The following LIMCH1 variants were observed in gnomAD, a reference collection of about 807,000 sequenced individuals.
The protein encoded by LIMCH1 is LIM and calponin homology domains-containing protein 1.
A neutral mutation model predicts 176.5 loss-of-function variants in LIMCH1; 113 were observed. The observed-to-expected ratio is 0.64, with a 90% CI of 0.55 to 0.75. The LOEUF is 0.75. LIMCH1 is among the 30% of genes least tolerant of loss of function. The pLI, the probability that LIMCH1 is intolerant of heterozygous loss-of-function variation, is 0.00. For synonymous variants in LIMCH1, 619 were observed against 645.9 expected, an observed-to-expected ratio of 0.96 and a Z score of 0.63; for missense variants, 1,674 against 1,814.9, an observed-to-expected ratio of 0.92 and a Z score of 1.41.
In LIMCH1 at chr4:41,633,650, A is replaced by T. The variant is rs200898894; in HGVS notation, c.1932A>T (p.Arg644=). ...GTGGCAGTGGACTGAAAGGCCAGCG[A>T]AAGTTGGATGATTCACGAAAAGATG... The part of the protein sequence containing the change: ...AWSGSGLKGQ[R]KLDDSRKDDM... Residue 644 remains arginine (R), a synonymous_variant, in exon 13 of 32, where the codon CGA becomes CGT. Transcript: ENST00000503057. 13 of 1,536,054 alleles carry T rather than the reference A, an allele frequency of 8.5e-6. No individual in the cohort carries two copies. The South Asian group carries it at 1.1e-4, about 13-fold the overall frequency.
At chr4:41,433,337 T>A (rs936493267) in intron 1 of LIMCH1, among the ~76,000 whole-genome samples, 1 of 152,234 alleles carries the variant, frequency 6.6e-6, no homozygotes, top group Non-Finnish European at 1.5e-5. Context: ...GTTTGTTTTT[T>A]ATTTTTCTGA....
chr4:41,419,528 A>G (rs542890103), intron 1 of LIMCH1, among the ~76,000 whole-genome samples: 19 of 151,934 alleles, frequency 1.3e-4, no homozygotes, highest in Admixed American at 1.0e-3. Flanking sequence ...TGTGAAGCTT[A>G]TGGAAGAGCC....
At chr4:41,618,032 A>G (rs2092274324) in intron 5 of LIMCH1, among the ~76,000 whole-genome samples, 2 of 152,226 alleles carry the variant, frequency 1.3e-5, no homozygotes, top group Admixed American at 6.5e-5. Context: ...CTCATGGCTA[A>G]TGAGCAGCAG....
At chr4:41,601,010 TTTC>T (rs1472518835) in intron 2 of LIMCH1, among the ~76,000 whole-genome samples, 2 of 152,308 alleles carry the variant, frequency 1.3e-5, no homozygotes, top group South Asian at 4.1e-4. Context: ...TCCTTTTGTA[TTTC>T]TTCTCCTCAT....
rs1561943442 is a variant in LIMCH1 at position 41,619,284 on chromosome 4, C to G, written c.302C>G (p.Pro101Arg). The G allele has an allele frequency of 1.2e-6, 2 of 1,614,028 alleles. No individual in the cohort carries two copies. Among genetic ancestry groups the G allele is most frequent in the Non-Finnish European group, 8.5e-7 (1 of 1,180,032 alleles). ...GCACGGCGGACTTCCCATGGTGAGC[C>G]GAAATCAGCAGTGCCTTTTAACCAG... Reference protein sequence around the residue: ...MSARRTSHGEPKSAVPFNQYL... With the variant: ...MSARRTSHGERKSAVPFNQYL... Residue 101 changes from proline to arginine, a missense_variant, in exon 6 of 32, where the codon CCG (proline) becomes CGG (arginine). By Grantham distance (103) the Pro-to-Arg change is moderately radical (BLOSUM62 -2). This residue lies in a region of LIMCH1 where 655 missense variants were observed against 692.2 expected (regional missense o/e 0.95). Transcript: ENST00000503057.
rs558522699 is a variant in LIMCH1 at position 41,679,430 on chromosome 4, G to A, written c.3520-576G>A. 7.9e-5 allele frequency among the ~76,000 whole-genome samples: 12 copies of A among 152,292 alleles called. No homozygotes were observed. The South Asian group carries it at 2.3e-3, about 29-fold the overall frequency. Reference sequence around the variant, plus strand: ...AAACAAAAATGGCAGTTCTGAAGAAGTACTCTAATGGACTGTTTAAAAACT... The same window carrying A: ...AAACAAAAATGGCAGTTCTGAAGAAATACTCTAATGGACTGTTTAAAAACT... On this transcript the variant is annotated intron_variant, in intron 23 of 31. Transcript: ENST00000503057.
In LIMCH1 at chr4:41,419,681, CTCCTTCCTTCCTTCCTTCCT is replaced by C. The variant is rs765992303; in HGVS notation, c.96+58766_96+58785del. On this transcript the variant is annotated intron_variant, in intron 1 of 26. Transcript: ENST00000313860. ...CCTTCCTTCCTTCCTTCCTTCCTTC[CTCCTTCCTTCCTTCCTTCCT>C]TCCTTCCTTCCTTCCTTCCTCCTTC... is the stretch of plus-strand genomic sequence containing the variant. 3.4e-4 allele frequency among the ~76,000 whole-genome samples: 19 copies of C among 56,330 alleles called. 1 individual carries two copies. The highest frequency in any genetic ancestry group is 1.0e-3 in the African/African-American group (10 of 9,628). 37.0% of individuals were successfully genotyped at this position (56,330 alleles called of 152,430 possible).
At chr4:41,499,697 A>T (rs1373017364) in intron 2 of LIMCH1, among the ~76,000 whole-genome samples, 2 of 152,210 alleles carry the variant, frequency 1.3e-5, no homozygotes, top group African/African-American at 4.8e-5. Context: ...GCATGCCTCT[A>T]GTCCCAGCTA....
intron 1 of LIMCH1, among the ~76,000 whole-genome samples, chr4:41,377,934 A>G (rs1038293303): frequency 6.6e-6 from 1 of 152,154 alleles, no homozygotes; most frequent in Non-Finnish European, 1.5e-5. Flanking sequence ...TCACCTCCCA[A>G]AGGTTCTATT....
chr4:41,375,469 A>G (rs1353603345), intron 1 of LIMCH1, among the ~76,000 whole-genome samples: 1 of 152,266 alleles, frequency 6.6e-6, no homozygotes, highest in African/African-American at 2.4e-5. Flanking sequence ...TTCCCAATAT[A>G]TATAAACCTT....
chr4:41,393,825 G>T (rs1441561922), intron 1 of LIMCH1, among the ~76,000 whole-genome samples: 3 of 152,048 alleles, frequency 2.0e-5, no homozygotes, highest in African/African-American at 7.2e-5. Flanking sequence ...TGAATAAAAA[G>T]AAATAAAAAT....
intron 1 of LIMCH1, among the ~76,000 whole-genome samples, chr4:41,418,405 C>T (rs2060124639): frequency 6.6e-6 from 1 of 152,216 alleles, no homozygotes; most frequent in African/African-American, 2.4e-5. Flanking sequence ...GCATCTGGCA[C>T]AGGAATCTTG....
chr4:41,438,792 G>T (rs1258010482), intron 1 of LIMCH1, among the ~76,000 whole-genome samples: 2 of 151,852 alleles, frequency 1.3e-5, no homozygotes, highest in African/African-American at 2.4e-5. Context: ...CATGCACCTC[G>T]CCCAGGCCAG....
intron 14 of LIMCH1, among the ~76,000 whole-genome samples, chr4:41,643,487 AG>A (rs1585234362): frequency 6.6e-6 from 1 of 152,130 alleles, no homozygotes; most frequent in East Asian, 1.9e-4. Context: ...TAAAAGGAGG[AG>A]GATTTTGCTT....
chr4:41,517,936 G>A (rs1380267613), intron 2 of LIMCH1, among the ~76,000 whole-genome samples: 5 of 152,046 alleles, frequency 3.3e-5, no homozygotes, highest in Admixed American at 2.6e-4. Flanking sequence ...GGGTAATTTT[G>A]TGATCATAGT....
chr4:41,559,646 A>G (rs1240418642), intron 1 of LIMCH1, among the ~76,000 whole-genome samples: 1 of 152,082 alleles, frequency 6.6e-6, no homozygotes, highest in African/African-American at 2.4e-5. Flanking sequence ...CCACTGCTTC[A>G]TGGGATTAAA....
intron 1 of LIMCH1, among the ~76,000 whole-genome samples, chr4:41,451,878 C>A (rs1326121444): frequency 6.6e-6 from 1 of 152,214 alleles, no homozygotes; most frequent in African/African-American, 2.4e-5. Context: ...CTCCCACCTG[C>A]CCCATCTTCT....
chr4:41,547,521 G>C (rs1036241500), intron 1 of LIMCH1, among the ~76,000 whole-genome samples: 1 of 125,556 alleles, frequency 8.0e-6, no homozygotes, highest in Non-Finnish European at 1.6e-5. Context: ...AATAATTTAA[G>C]TTTCGCATTT....
Position 41,411,956 on chromosome 4 carries a change from CAAAAAAAA to C in LIMCH1, c.96+51043_96+51050del, listed in dbSNP as rs61054692. ...TAGGCGACAGAGCGAGACTCCATCT[CAAAAAAAA>C]AAAAAAAAAAAAAAAAAAAAAAGGA... On this transcript the variant is annotated intron_variant, in intron 1 of 26. Transcript: ENST00000313860. 3.4e-4 allele frequency among the ~76,000 whole-genome samples: 13 copies of C among 38,574 alleles called. No homozygotes were observed. The East Asian group carries it at 3.9e-3, about 12-fold the overall frequency. 25.3% of individuals were successfully genotyped at this position (38,574 alleles called of 152,430 possible). A position where few individuals can be genotyped will look rare whatever the true frequency, so the allele number is the denominator to read the frequency against.
Sources: allele counts gnomAD v4.1 joint callset (sites outside exome capture counted in the v4.1 genomes callset), GRCh38; gene constraint gnomAD v4.1.1; regional missense constraint gnomAD v4.1.1; transcripts MANE v1.5; gene names NCBI Gene and HGNC (gene_info 2026-07-23, HGNC 2026-07-21).